Variants in RFX7 observed in about 807,000 individuals in gnomAD.
The protein encoded by RFX7 is DNA-binding protein RFX7.
RFX7 carries 26 observed loss-of-function variants against 111.8 expected under a neutral mutation model. The observed-to-expected ratio is 0.23, with a 90% CI of 0.17 to 0.32. The LOEUF (loss-of-function observed/expected upper bound fraction) is 0.32. RFX7 is among the 10% of genes least tolerant of loss of function. RFX7 has a pLI of 1.00. For synonymous variants in RFX7, 624 were observed against 624.4 expected (o/e 1.00, Z 0.01); for missense variants, 1,573 against 1,772.9 (o/e 0.89, Z 2.02).
chr15:56,220,334 G>A (rs1393534246), intron 2 of RFX7, among the ~76,000 whole-genome samples: 12 of 152,014 alleles, frequency 7.9e-5, no homozygotes, highest in African/African-American at 2.7e-4. Flanking sequence ...GGGTTCAAGC[G>A]ATTCTTCTGC....
chr15:56,127,046 G>A (rs968365029), intron 5 of RFX7, among the ~76,000 whole-genome samples: 1 of 151,866 alleles, frequency 6.6e-6, no homozygotes, highest in Non-Finnish European at 1.5e-5. Flanking sequence ...GCCAACAATA[G>A]CACAAAAAGC....
At chr15:56,233,646 T>A (rs928764292) in intron 2 of RFX7, among the ~76,000 whole-genome samples, 1 of 152,110 alleles carries the variant, frequency 6.6e-6, no homozygotes, top group Admixed American at 6.5e-5. Flanking sequence ...TTAGAGTAAC[T>A]GAAATGAGTA....
chr15:56,096,306 T>A lies in RFX7; in HGVS notation c.1422A>T (p.Lys474Asn). 6.2e-7 allele frequency: 1 copy of A among 1,613,978 alleles called. No individual in the cohort carries two copies. Among genetic ancestry groups the A allele is most frequent in the Non-Finnish European group, 8.5e-7 (1 of 1,179,882 alleles). The change falls in exon 10 of 10, where the codon AAA becomes AAT. Residue 474 changes from lysine (K) to asparagine (N), a missense_variant. Physicochemically the swap from Lys to Asn is moderately conservative, Grantham distance 94. Transcript: ENST00000559447. ...ASHMSSLNVV[K>N]MTTISLTPSN... Reference sequence around the variant, plus strand: ...TGGGTGTGAGGGATATTGTTGTCATTTTCACCACATTTAGAGAACTCATGT... The same window carrying A: ...TGGGTGTGAGGGATATTGTTGTCATATTCACCACATTTAGAGAACTCATGT...
At position 56,096,394 on chromosome 15, in the gene RFX7, C is replaced by T. The variant is rs760538628; in HGVS notation, c.1334G>A (p.Arg445His). The stretch of plus-strand genomic sequence containing the variant: ...AGTAAAGAGGACAGTAGTTGGAGAG[C>T]GAATGGTGAGTGCACTGGTGTTCGC... Reference protein sequence around the residue: ...KPANTSALTIRSPTTVLFTSS... With the variant: ...KPANTSALTIHSPTTVLFTSS... Residue 445 changes from arginine to histidine, a missense_variant, in exon 10 of 10, where the codon CGC (arginine) becomes CAC (histidine). Around this residue, in one of 7 missense-constraint regions of RFX7, gnomAD observed 288 missense variants for 337.9 expected, o/e 0.85. Coordinates refer to ENST00000559447, the MANE Select transcript of RFX7 (RefSeq NM_022841.7). 1.4e-5 allele frequency: 22 copies of T among 1,613,736 alleles called. No homozygotes were observed. Among genetic ancestry groups the T allele is most frequent in the East Asian group, 1.3e-4 (6 of 44,886 alleles).
At chr15:56,226,010 C>A (rs35607436) in intron 2 of RFX7, among the ~76,000 whole-genome samples, 19,798 of 150,852 alleles carry the variant, frequency 0.13, 1,697 homozygotes, top group East Asian at 0.45. Flanking sequence ...AAAAAGAGGA[C>A]GGGAAAAGGG....
chr15:56,113,237 A>G (rs11637507), intron 5 of RFX7, among the ~76,000 whole-genome samples: 29,977 of 152,220 alleles, frequency 0.2, 3,375 homozygotes, highest in East Asian at 0.44. Flanking sequence ...CAATAGCAAA[A>G]ACATAGAACC....
At chr15:56,145,562 A>C (rs1403993603) in intron 3 of RFX7, among the ~76,000 whole-genome samples, 2 of 152,208 alleles carry the variant, frequency 1.3e-5, no homozygotes, top group African/African-American at 4.8e-5. Flanking sequence ...TCTTGCTCCA[A>C]TACCTAATGT....
Position 56,243,846 on chromosome 15 carries a change from T to C in RFX7, c.-404A>G, listed in dbSNP as rs1227653639. ...GCCGCCGCCGCGGCCGCCGCTGCCCTGCCAGCCCCGGAGGCAGCCCAGTGC... is the reference window on the plus strand; with the variant it reads ...GCCGCCGCCGCGGCCGCCGCTGCCCCGCCAGCCCCGGAGGCAGCCCAGTGC... On this transcript the variant is annotated 5_prime_UTR_variant, in exon 1 of 10. Coordinates refer to ENST00000559447, the MANE Select transcript of RFX7 (RefSeq NM_022841.7). Among the ~76,000 whole-genome samples, 1 of 147,260 alleles carries C rather than the reference T, an allele frequency of 6.8e-6. No individual in the cohort carries two copies. The highest frequency in any genetic ancestry group is 2.1e-4 in the South Asian group (1 of 4,814).
At chr15:56,228,311 TG>T (rs1357860188) in intron 2 of RFX7, among the ~76,000 whole-genome samples, 1 of 152,184 alleles carries the variant, frequency 6.6e-6, no homozygotes, top group African/African-American at 2.4e-5. Context: ...CTTCCACTTC[TG>T]ATATTCCCAT....
Position 56,144,436 on chromosome 15 carries a change from A to C in RFX7, c.243T>G (p.Leu81=). ...FTDLEKLYLY[L]QLPSGLSNGE... Reference sequence around the variant, plus strand: ...CATTGCTGAGACCAGAAGGCAGCTGAAGGTAGAGGTAGAGTTTCTCTAGGT... The same window carrying C: ...CATTGCTGAGACCAGAAGGCAGCTGCAGGTAGAGGTAGAGTTTCTCTAGGT... Residue 81 remains leucine, a synonymous_variant, in exon 4 of 10, where the codon CTT becomes CTG. Transcript: ENST00000559447. The C allele has an allele frequency of 7.3e-7, 1 of 1,366,086 alleles. No homozygotes were observed. Among genetic ancestry groups the C allele is most frequent in the Non-Finnish European group, 9.8e-7 (1 of 1,020,550 alleles). 84.6% of individuals were successfully genotyped at this position (1,366,086 alleles called of 1,614,324 possible).
At chr15:56,184,719 T>A (rs1161074278) in intron 2 of RFX7, among the ~76,000 whole-genome samples, 1 of 152,232 alleles carries the variant, frequency 6.6e-6, no homozygotes, top group African/African-American at 2.4e-5. Flanking sequence ...TACTTTTCTG[T>A]GCTCAGTGGT....
At chr15:56,133,652 T>C (rs2042248108) in intron 5 of RFX7, among the ~76,000 whole-genome samples, 1 of 152,150 alleles carries the variant, frequency 6.6e-6, no homozygotes. Context: ...AAAACTCTTG[T>C]TCTTAAAATA....
chr15:56,102,425 A>C (rs1268532847), intron 6 of RFX7, among the ~76,000 whole-genome samples, 172 bp from the exon 7 acceptor site: 2 of 152,156 alleles, frequency 1.3e-5, no homozygotes, highest in African/African-American at 4.8e-5. Flanking sequence ...GGACACTTTT[A>C]CTCTTTTGAA....
intron 5 of RFX7, among the ~76,000 whole-genome samples, chr15:56,116,881 G>T: frequency 6.6e-6 from 1 of 152,008 alleles, no homozygotes; most frequent in Non-Finnish European, 1.5e-5. Context: ...TGTACAAACT[G>T]TACAAATATT....
intron 5 of RFX7, among the ~76,000 whole-genome samples, chr15:56,104,707 T>C (rs1473503801): frequency 6.6e-6 from 1 of 152,132 alleles, no homozygotes; most frequent in Non-Finnish European, 1.5e-5. Context: ...CCTGGGAGCC[T>C]TAATACAGAA....
chr15:56,131,451 G>T (rs1362739205), intron 5 of RFX7, among the ~76,000 whole-genome samples: 1 of 152,006 alleles, frequency 6.6e-6, no homozygotes, highest in Non-Finnish European at 1.5e-5. Context: ...TAGAGACAGG[G>T]TCTTGTTTTG....
chr15:56,110,449 A>T (rs1274046670), intron 5 of RFX7, among the ~76,000 whole-genome samples: 1 of 102,262 alleles, frequency 9.8e-6, no homozygotes, highest in Non-Finnish European at 2.0e-5. Flanking sequence ...CAGCCGCCCC[A>T]TCCGGGAGGC....
chr15:56,168,273 C>A (rs908124117), intron 3 of RFX7, among the ~76,000 whole-genome samples: 1 of 152,026 alleles, frequency 6.6e-6, no homozygotes, highest in Non-Finnish European at 1.5e-5. Context: ...TTAATAAATA[C>A]TAACAATAAC....
intron 5 of RFX7, among the ~76,000 whole-genome samples, chr15:56,103,911 T>G (rs1255689451): frequency 6.6e-6 from 1 of 152,190 alleles, no homozygotes; most frequent in African/African-American, 2.4e-5. Flanking sequence ...TGCAGTAAGA[T>G]ACAATGTTGG....
Sources: gnomAD v4.1 joint callset for allele counts (sites outside exome capture counted in the v4.1 genomes callset) on GRCh38, gnomAD v4.1.1 for gene constraint, gnomAD v4.1.1 regional missense constraint, MANE v1.5 for transcripts, NCBI Gene and HGNC (gene_info 2026-07-23, HGNC 2026-07-21) for gene names.